RTL9: variants seen among roughly 807,000 people sequenced by gnomAD.
RTL9 encodes retrotransposon Gag like 9.
RTL9 carries 19 observed loss-of-function variants against 44.7 expected under a neutral mutation model. That is an observed-to-expected ratio of 0.42 (90% confidence interval 0.30 to 0.62). The LOEUF is 0.62. Among genes scored for constraint, RTL9 ranks in the 20% least tolerant of loss-of-function variants. The pLI, the probability that RTL9 is intolerant of heterozygous loss-of-function variation, is 0.16. For missense variants in RTL9, 1,105 were observed against 1,080.6 expected, an observed-to-expected ratio of 1.02 and a Z score of -0.32; for synonymous variants, 407 against 398.9, an observed-to-expected ratio of 1.02 and a Z score of -0.24.
At chrX:110,451,168 C>T in exon 1 of RTL9, 1 of 1,211,988 alleles carries the variant, frequency 8.3e-7, no homozygotes, top group Non-Finnish European at 1.1e-6. Flanking sequence ...ATAATGAGCA[C>T]TTCATCCTCT....
At chrX:110,386,024 T>G (rs1364854429) in intron 1 of RTL9, among the ~76,000 whole-genome samples, 3 of 112,476 alleles carry the variant, frequency 2.7e-5, no homozygotes, top group Non-Finnish European at 5.6e-5. Context: ...TTTTTCCATT[T>G]ATCAGTTGAT....
At chrX:110,384,909 T>G (rs903159456) in intron 1 of RTL9, among the ~76,000 whole-genome samples, 1 of 110,810 alleles carries the variant, frequency 9.0e-6, no homozygotes, top group East Asian at 2.8e-4. Flanking sequence ...TGTTGCCTCT[T>G]CCCTTTGTTT....
intron 1 of RTL9, among the ~76,000 whole-genome samples, chrX:110,406,141 T>C: frequency 1.8e-5 from 2 of 110,036 alleles, no homozygotes; most frequent in Admixed American, 1.9e-4. Flanking sequence ...AAGTTCTGTG[T>C]TACATGTGCA....
At chrX:110,381,139 G>A (rs556695597) in intron 1 of RTL9, among the ~76,000 whole-genome samples, 19 of 111,173 alleles carry the variant, frequency 1.7e-4, no homozygotes, top group Non-Finnish European at 3.0e-4. Context: ...AGAAAATATC[G>A]ACAGGCACCC....
chrX:110,455,100 C>A, intron 1 of RTL9, 102 bp from the exon 4 acceptor site: 1 of 1,071,260 alleles, frequency 9.3e-7, no homozygotes, highest in Non-Finnish European at 1.3e-6. Flanking sequence ...GATAAATTAG[C>A]AAAGTGTCTT....
intron 1 of RTL9, among the ~76,000 whole-genome samples, chrX:110,396,866 C>T (rs1217120504): frequency 8.9e-6 from 1 of 112,167 alleles, no homozygotes; most frequent in African/African-American, 3.2e-5. Flanking sequence ...GCACTTAGCC[C>T]ATCAGGACAG....
Position 110,451,544 on chromosome X carries a change from G to A in RTL9, c.927G>A (p.Ser309=), listed in dbSNP as rs192121337. Residue 309 remains serine (S), a synonymous_variant, in exon 1 of 2, where the codon TCG becomes TCA. Coordinates refer to ENST00000540313, the Ensembl canonical transcript of RTL9. The stretch of plus-strand genomic sequence containing the variant: ...ATCTAGACTCTGGAATAATGTCATC[G>A]CTTTTAATGTCATCTCCAGGCTCTG... 28 of 1,209,916 alleles carry A rather than the reference G, an allele frequency of 2.3e-5. 1 individual carries two copies. In the South Asian group the frequency reaches 2.6e-4, roughly 11 times the overall value.
intron 1 of RTL9, among the ~76,000 whole-genome samples, chrX:110,398,722 C>G (rs1045895594): frequency 8.9e-6 from 1 of 111,977 alleles, no homozygotes; most frequent in Admixed American, 9.5e-5. Context: ...ACTCTCTGAA[C>G]CTTGAACCCT....
chrX:110,361,509 T>A (rs776753386), intron 1 of RTL9, among the ~76,000 whole-genome samples: 1 of 111,333 alleles, frequency 9.0e-6, no homozygotes, highest in East Asian at 2.8e-4. Context: ...TCAAAACTCC[T>A]CCAATGGCTT....
exon 1 of RTL9, chrX:110,453,223 G>T (rs1315201722): frequency 1.1e-5 from 13 of 1,209,924 alleles, no homozygotes; most frequent in Non-Finnish European, 1.5e-5. Context: ...CCAGACTCTA[G>T]AGTGACATCC....
At chrX:110,449,544 T>C (rs1285028244), upstream of RTL9, among the ~76,000 whole-genome samples, 2 of 112,755 alleles carry the variant, frequency 1.8e-5, no homozygotes, top group Admixed American at 9.3e-5. Context: ...CCTTCTGGGC[T>C]GCTTATTGGA....
intron 1 of RTL9, among the ~76,000 whole-genome samples, chrX:110,434,536 C>T (rs1449645848): frequency 9.0e-6 from 1 of 111,319 alleles, no homozygotes; most frequent in Non-Finnish European, 1.9e-5. Flanking sequence ...GGCTGGCTGT[C>T]ATGGGGTCAA....
At chrX:110,382,242 T>A (rs1200653912) in intron 1 of RTL9, among the ~76,000 whole-genome samples, 1 of 110,222 alleles carries the variant, frequency 9.1e-6, no homozygotes, top group Non-Finnish European at 1.9e-5. Context: ...GATAATTATA[T>A]ACAAGTCTGG....
chrX:110,391,905 TA>T (rs1269480061), intron 1 of RTL9, among the ~76,000 whole-genome samples: 1 of 111,977 alleles, frequency 8.9e-6, no homozygotes, highest in Non-Finnish European at 1.9e-5. Flanking sequence ...GTCAAAGGCT[TA>T]AAAAAATGTG....
chrX:110,419,555 C>G (rs1466003762), intron 1 of RTL9, among the ~76,000 whole-genome samples: 1 of 112,715 alleles, frequency 8.9e-6, no homozygotes, highest in Non-Finnish European at 1.9e-5. Context: ...TCCAAGAGGA[C>G]AGGGACCTTG....
chrX:110,420,955 C>T (rs755520262), intron 1 of RTL9, among the ~76,000 whole-genome samples: 1 of 111,732 alleles, frequency 8.9e-6, no homozygotes, highest in South Asian at 3.8e-4. Flanking sequence ...ACTGCCTCAG[C>T]CCTTGAAAAT....
At chrX:110,395,059 T>C (rs1428668612) in intron 1 of RTL9, among the ~76,000 whole-genome samples, 1 of 112,743 alleles carries the variant, frequency 8.9e-6, no homozygotes, top group African/African-American at 3.2e-5. Flanking sequence ...ACTGCCAGGA[T>C]GTGGGCAAAG....
chrX:110,452,800 C>T, exon 1 of RTL9: 2 of 1,211,954 alleles, frequency 1.7e-6, no homozygotes. Context: ...ACCCAAGATC[C>T]TGGAGGGATG....
intron 1 of RTL9, among the ~76,000 whole-genome samples, chrX:110,396,291 C>T (rs774520131): frequency 1.8e-5 from 2 of 111,850 alleles, no homozygotes; most frequent in Non-Finnish European, 3.8e-5. Flanking sequence ...CCCCAAGTAT[C>T]CATCACCCAG....
Sources: gnomAD v4.1 joint callset for allele counts (sites outside exome capture counted in the v4.1 genomes callset) on GRCh38, gnomAD v4.1.1 for gene constraint, MANE v1.5 for transcripts, NCBI Gene and HGNC (gene_info 2026-07-23, HGNC 2026-07-21) for gene names.